Variants in EML6 observed in about 807,000 individuals in gnomAD.
The protein encoded by EML6 is EMAP like 6.
Under a neutral mutation model 240.1 loss-of-function variants are expected in EML6, and 154 were observed. The observed-to-expected ratio is 0.64, with a 90% confidence interval of 0.56 to 0.73. The LOEUF is 0.73. Among genes scored for constraint, EML6 ranks in the 30% least tolerant of loss-of-function variants. EML6 has a pLI of 0.00. For missense variants in EML6, 2,964 were observed against 2,474.6 expected, an observed-to-expected ratio of 1.20 and a Z score of -4.20; for synonymous variants, 1,148 against 899.0, an observed-to-expected ratio of 1.28 and a Z score of -4.95.
In EML6 at chr2:54,895,413, T is replaced by C. The variant is rs1672711164; in HGVS notation, c.2982+13T>C. ...ACTGCTTGTTCAGGTACTGTTTGTA[T>C]GTATTCTAAACTGCAGTTCACATCA... On this transcript the variant is annotated intron_variant, in intron 21 of 41. Coordinates refer to ENST00000356458, the MANE Select transcript of EML6 (RefSeq NM_001039753.4). 12 of 1,551,668 alleles carry C rather than the reference T, an allele frequency of 7.7e-6. No homozygotes were observed. Among genetic ancestry groups the C allele is most frequent in the African/African-American group, 1.4e-5 (1 of 73,122 alleles).
Position 54,912,770 on chromosome 2 carries a change from TG to T in EML6, c.3498+1730del, listed in dbSNP as rs1673708323. 3.9e-5 allele frequency among the ~76,000 whole-genome samples: 6 copies of T among 152,254 alleles called. No individual in the cohort carries two copies. In the South Asian group the frequency reaches 1.2e-3, roughly 31 times the overall value. On this transcript the variant is annotated intron_variant, in intron 25 of 41. Transcript: ENST00000356458. ...TTTTTTATGGCTGCATAGTATTCTA[TG>T]GTATATATGTACCACATTTCCTTTA...
At position 54,924,512 on chromosome 2, in the gene EML6, AG is replaced by A. The variant is rs1281141107; in HGVS notation, c.3676-3800del. On this transcript the variant is annotated intron_variant, in intron 26 of 41. Transcript: ENST00000356458. ...AAATAGGTTCATGGCTTAAACTACT[AG>A]CCAAATATGAATTATTTTGATAAAA... is the stretch of plus-strand genomic sequence containing the variant. 2.0e-5 allele frequency among the ~76,000 whole-genome samples: 3 copies of A among 152,196 alleles called. No individual in the cohort carries two copies. The East Asian group carries it at 5.8e-4, about 29-fold the overall frequency.
In EML6 at chr2:54,863,790, A is replaced by G. The variant is rs1670808686; in HGVS notation, c.1833A>G (p.Gly611=). The part of the protein sequence containing the change: ...GMLETAPQEG[G]ADSYSEESDS... ...TGGGTTGTATCTCTGCAGAAGGTGG[A>G]GCTGATTCCTACAGTGAAGAATCTG... The change falls in exon 13 of 42, where the codon GGA becomes GGG. Residue 611 remains glycine, a synonymous_variant. Coordinates refer to ENST00000356458, the MANE Select transcript of EML6 (RefSeq NM_001039753.4). The G allele has an allele frequency of 6.5e-7, 1 of 1,537,798 alleles. No individual in the cohort carries two copies. Among genetic ancestry groups the G allele is most frequent in the Non-Finnish European group, 8.8e-7 (1 of 1,135,602 alleles).
intron 7 of EML6, among the ~76,000 whole-genome samples, chr2:54,841,298 C>G (rs761674611): frequency 1.8e-4 from 28 of 152,250 alleles, no homozygotes; most frequent in Non-Finnish European, 3.4e-4. Context: ...CAGGGTGTCT[C>G]TACTCCTCCT....
chr2:54,862,344 A>C, intron 12 of EML6, among the ~76,000 whole-genome samples: 1 of 149,494 alleles, frequency 6.7e-6, no homozygotes, highest in East Asian at 1.9e-4. Flanking sequence ...TCTCTAAAAA[A>C]AAAAAAAAAA....
intron 39 of EML6, 88 bp from the exon 40 acceptor site, chr2:54,968,040 C>G (rs1021930690): frequency 7.5e-7 from 1 of 1,324,694 alleles, no homozygotes; most frequent in South Asian, 1.3e-5. Context: ...ACATCCCTCT[C>G]TTCCTTATCC....
chr2:54,884,268 G>A (rs79454908), intron 17 of EML6, among the ~76,000 whole-genome samples: 1,934 of 152,218 alleles, frequency 0.013, 23 homozygotes, highest in Non-Finnish European at 0.017. Flanking sequence ...GGCAAGGCAC[G>A]TAGGAAGGGG....
At chr2:54,909,850 C>CA (rs34171697) in intron 24 of EML6, among the ~76,000 whole-genome samples, 1,257 of 67,996 alleles carry the variant, frequency 0.018, 23 homozygotes, top group Non-Finnish European at 0.021. Context: ...GACTCCATCT[C>CA]AAAAAAAAAA....
chr2:54,964,174 G>C lies in EML6; in HGVS notation c.5330+16G>C. 1 of 1,550,088 alleles carries C rather than the reference G, an allele frequency of 6.5e-7. No homozygotes were observed. Among genetic ancestry groups the C allele is most frequent in the Non-Finnish European group, 8.7e-7 (1 of 1,146,128 alleles). On this transcript the variant is annotated intron_variant, in intron 37 of 41. Coordinates refer to ENST00000356458, the MANE Select transcript of EML6 (RefSeq NM_001039753.4). ...AAGATATCAGGTACCTAAGTGGGTGGTCTGGGCATGGAGGAGAAAGGCAAG... is the reference window on the plus strand; with the variant it reads ...AAGATATCAGGTACCTAAGTGGGTGCTCTGGGCATGGAGGAGAAAGGCAAG...
At chr2:54,776,582 T>G (rs1445060914) in intron 2 of EML6, among the ~76,000 whole-genome samples, 1 of 152,222 alleles carries the variant, frequency 6.6e-6, no homozygotes, top group Non-Finnish European at 1.5e-5. Flanking sequence ...TTTTTTCTAC[T>G]GTATTGTTGT....
intron 2 of EML6, among the ~76,000 whole-genome samples, chr2:54,732,994 G>A (rs546041518): frequency 4.1e-4 from 62 of 152,340 alleles, no homozygotes; most frequent in African/African-American, 1.5e-3. Flanking sequence ...AACAGAGGGT[G>A]CTCTTTGACC....
chr2:54,815,229 G>A (rs1387125402), intron 3 of EML6, among the ~76,000 whole-genome samples: 1 of 152,172 alleles, frequency 6.6e-6, no homozygotes, highest in Non-Finnish European at 1.5e-5. Context: ...TTTGAAGGAT[G>A]GTGGGTGGGG....
chr2:54,852,899 C>G (rs1670167458), intron 10 of EML6, among the ~76,000 whole-genome samples: 1 of 152,230 alleles, frequency 6.6e-6, no homozygotes, highest in Non-Finnish European at 1.5e-5. Flanking sequence ...TGTGTGCTCT[C>G]TGGGGAACAT....
At chr2:54,915,225 C>T (rs766823748) in intron 25 of EML6, among the ~76,000 whole-genome samples, 31 of 152,322 alleles carry the variant, frequency 2.0e-4, no homozygotes, top group African/African-American at 6.3e-4. Context: ...CTGGAGAACA[C>T]GGTGCCCTGA....
chr2:54,787,178 A>G (rs564157528), intron 2 of EML6, among the ~76,000 whole-genome samples: 1 of 152,176 alleles, frequency 6.6e-6, no homozygotes, highest in East Asian at 1.9e-4. Flanking sequence ...GGGCTGGTTC[A>G]GGGGTTGGTA....
At chr2:54,753,475 A>T (rs868406015) in intron 2 of EML6, among the ~76,000 whole-genome samples, 34 of 152,224 alleles carry the variant, frequency 2.2e-4, no homozygotes, top group African/African-American at 7.5e-4. Context: ...AGTGACAGGG[A>T]GTCAGAGAAG....
chr2:54,781,651 A>T (rs969937865), intron 2 of EML6, among the ~76,000 whole-genome samples: 4 of 152,150 alleles, frequency 2.6e-5, no homozygotes, highest in Non-Finnish European at 5.9e-5. Context: ...ATTTACAAGT[A>T]TAAATAAATA....
chr2:54,770,377 C>G (rs953011939), intron 2 of EML6, among the ~76,000 whole-genome samples: 2 of 152,222 alleles, frequency 1.3e-5, no homozygotes, highest in Non-Finnish European at 2.9e-5. Context: ...CTTTCCAGTT[C>G]TGTTCCATGG....
chr2:54,870,309 C>T (rs780181374), intron 15 of EML6, among the ~76,000 whole-genome samples: 1 of 149,784 alleles, frequency 6.7e-6, no homozygotes, highest in South Asian at 2.1e-4. Flanking sequence ...GAAAAAGGAT[C>T]CATAGCTTTT....
Sources: allele counts gnomAD v4.1 joint callset (sites outside exome capture counted in the v4.1 genomes callset), GRCh38; gene constraint gnomAD v4.1.1; transcripts MANE v1.5; gene names NCBI Gene and HGNC (gene_info 2026-07-23, HGNC 2026-07-21).